Variants in RBFOX1 observed in about 807,000 individuals in gnomAD.
RBFOX1 encodes RNA binding fox-1 homolog 1, also known as RNA binding protein fox-1 homolog 1.
Under a neutral mutation model 57.7 loss-of-function variants are expected in RBFOX1, and 8 were observed. That is an observed-to-expected ratio of 0.14 (90% confidence interval 0.08 to 0.25). The LOEUF is 0.25. Ranked by LOEUF, RBFOX1 falls within the 10% of genes least tolerant of loss-of-function variation. The probability of loss-of-function intolerance (pLI) is 1.00; values close to 1 mark genes in which losing one functional copy is unlikely to be tolerated. For synonymous variants in RBFOX1, 326 were observed against 222.4 expected (o/e 1.47, Z -4.15); for missense variants, 611 against 548.5 (o/e 1.11, Z -1.14).
At chr16:7,417,810 C>T (rs1306234330) in intron 4 of RBFOX1, among the ~76,000 whole-genome samples, 1 of 152,188 alleles carries the variant, frequency 6.6e-6, no homozygotes, top group Non-Finnish European at 1.5e-5. Context: ...TGTGTGGTTG[C>T]AGAATTAGTC....
intron 3 of RBFOX1, among the ~76,000 whole-genome samples, chr16:5,748,181 G>T: frequency 6.6e-6 from 1 of 152,066 alleles, no homozygotes; most frequent in Non-Finnish European, 1.5e-5. Flanking sequence ...GTAGTTGAGT[G>T]GTTTTGAGTG....
At chr16:6,871,117 AT>A (rs1567649137) in intron 3 of RBFOX1, among the ~76,000 whole-genome samples, 1 of 152,188 alleles carries the variant, frequency 6.6e-6, no homozygotes, top group Non-Finnish European at 1.5e-5. Context: ...TTAGGATGGA[AT>A]TTGATGAAGG....
At chr16:5,378,407 C>T (rs28544444) in intron 1 of RBFOX1, among the ~76,000 whole-genome samples, 22 of 151,374 alleles carry the variant, frequency 1.5e-4, no homozygotes, top group Admixed American at 1.4e-3. Context: ...CGCCCAGGAT[C>T]GGGGAGTTAG....
At chr16:7,148,389 A>G (rs1046314421) in intron 4 of RBFOX1, among the ~76,000 whole-genome samples, 1 of 152,160 alleles carries the variant, frequency 6.6e-6, no homozygotes, top group African/African-American at 2.4e-5. Flanking sequence ...GCATTAACCA[A>G]CACTCCCCTC....
chr16:5,292,794 T>C (rs2063567176), intron 1 of RBFOX1, among the ~76,000 whole-genome samples: 1 of 151,970 alleles, frequency 6.6e-6, no homozygotes, highest in South Asian at 2.1e-4. Flanking sequence ...CGGCTAATTT[T>C]TTGTATTTTT....
chr16:7,095,152 C>A (rs1256783620), intron 4 of RBFOX1, among the ~76,000 whole-genome samples: 1 of 152,018 alleles, frequency 6.6e-6, no homozygotes, highest in Non-Finnish European at 1.5e-5. Context: ...CACTCTGTTG[C>A]CCAGGCTGGA....
At chr16:6,377,000 G>T (rs1047824264) in intron 2 of RBFOX1, among the ~76,000 whole-genome samples, 1 of 151,838 alleles carries the variant, frequency 6.6e-6, no homozygotes, top group Admixed American at 6.6e-5. Context: ...GACTGGGCTC[G>T]GTGGCTCATG....
chr16:5,646,268 G>A (rs148740132), intron 3 of RBFOX1, among the ~76,000 whole-genome samples: 6 of 148,584 alleles, frequency 4.0e-5, no homozygotes, highest in Non-Finnish European at 5.9e-5. Flanking sequence ...CTTGTGATCC[G>A]CCTTCCTCGG....
rs373969558 is a variant in RBFOX1 at position 5,793,903 on chromosome 16, C to T, written c.319-73400C>T. 3.9e-5 allele frequency among the ~76,000 whole-genome samples: 6 copies of T among 152,334 alleles called. No individual in the cohort carries two copies. In the South Asian group the frequency reaches 6.2e-4, roughly 16 times the overall value. ...TTCTCCCTGATCCTCACATTATAAA[C>T]CTGTGTGATCTTGGGTGAGCCATTT... On this transcript the variant is annotated intron_variant, in intron 3 of 19. Transcript: ENST00000641259.
chr16:6,760,106 A>G (rs1030530264), intron 3 of RBFOX1, among the ~76,000 whole-genome samples: 2 of 152,200 alleles, frequency 1.3e-5, no homozygotes, highest in African/African-American at 4.8e-5. Context: ...TCATTAAAAG[A>G]TAAAAGGAAG....
chr16:6,218,444 G>C (rs2097350515), intron 1 of RBFOX1, among the ~76,000 whole-genome samples: 1 of 152,038 alleles, frequency 6.6e-6, no homozygotes, highest in Admixed American at 6.6e-5. Flanking sequence ...GAGTAGCTGG[G>C]ACTGCAGGCA....
intron 3 of RBFOX1, among the ~76,000 whole-genome samples, chr16:6,906,699 G>A (rs1255698702): frequency 1.3e-5 from 2 of 151,140 alleles, no homozygotes; most frequent in Non-Finnish European, 2.9e-5. Context: ...AGCAGACTGG[G>A]TGCTCCATAA....
intron 4 of RBFOX1, among the ~76,000 whole-genome samples, chr16:7,225,178 T>G (rs75942279): frequency 6.6e-6 from 1 of 152,174 alleles, no homozygotes; most frequent in Non-Finnish European, 1.5e-5. Flanking sequence ...ACAGGAAGCA[T>G]GAATCTAGTT....
intron 2 of RBFOX1, among the ~76,000 whole-genome samples, chr16:6,390,769 T>C (rs2092561136): frequency 6.6e-6 from 1 of 152,110 alleles, no homozygotes; most frequent in Non-Finnish European, 1.5e-5. Context: ...GGGGTTAGTT[T>C]TGAGCAGGTG....
intron 3 of RBFOX1, among the ~76,000 whole-genome samples, chr16:6,936,832 A>C (rs747202106): frequency 1.3e-5 from 2 of 151,338 alleles, no homozygotes; most frequent in African/African-American, 4.9e-5. Flanking sequence ...TTCTTTCCGA[A>C]TGCTCAAAAA....
At chr16:7,225,573 C>T (rs935427539) in intron 4 of RBFOX1, among the ~76,000 whole-genome samples, 4 of 151,766 alleles carry the variant, frequency 2.6e-5, no homozygotes, top group African/African-American at 9.7e-5. Context: ...TAGACTAATA[C>T]AGTGGGCCAT....
chr16:6,193,410 A>ATATATACAT (rs1567651585), intron 1 of RBFOX1, among the ~76,000 whole-genome samples: 17 of 93,416 alleles, frequency 1.8e-4, no homozygotes, highest in Non-Finnish European at 4.0e-4. Flanking sequence ...ATATATATAT[A>ATATATACAT]TATATATATA....
intron 1 of RBFOX1, among the ~76,000 whole-genome samples, chr16:6,039,560 C>T (rs1040132852): frequency 6.6e-6 from 1 of 152,086 alleles, no homozygotes; most frequent in Admixed American, 6.6e-5. Context: ...TTCATTGCCA[C>T]TGAATAATTA....
At chr16:7,051,266 T>G (rs2049971815) in intron 3 of RBFOX1, among the ~76,000 whole-genome samples, 1 of 152,190 alleles carries the variant, frequency 6.6e-6, no homozygotes, top group African/African-American at 2.4e-5. Context: ...TTCTATGTGT[T>G]CCTTTTTATT....
Sources: allele counts gnomAD v4.1 joint callset (sites outside exome capture counted in the v4.1 genomes callset), GRCh38; gene constraint gnomAD v4.1.1; transcripts MANE v1.5; gene names NCBI Gene and HGNC (gene_info 2026-07-23, HGNC 2026-07-21).